DNAH8: variants seen among roughly 807,000 people sequenced by gnomAD.
DNAH8 encodes the protein dynein axonemal heavy chain 8, also known as axonemal beta dynein heavy chain 8.
Under a neutral mutation model 562.1 loss-of-function variants are expected in DNAH8, and 382 were observed. That is an observed-to-expected ratio of 0.68 (90% confidence interval 0.63 to 0.74). The LOEUF is 0.74. DNAH8 is among the 30% of genes least tolerant of loss of function. DNAH8 has a pLI of 0.00. For synonymous variants in DNAH8, 1,881 were observed against 1,919.4 expected (o/e 0.98, Z 0.52); for missense variants, 5,203 against 5,620.4 (o/e 0.93, Z 2.37).
At chr6:38,902,185 C>A (rs914618554) in intron 62 of DNAH8, among the ~76,000 whole-genome samples, 1 of 152,056 alleles carries the variant, frequency 6.6e-6, no homozygotes. Context: ...TTCTTGATAC[C>A]CTGGCATCTG....
At chr6:38,971,718 A>C in intron 83 of DNAH8, 53 bp downstream of exon 83, 5 of 1,349,336 alleles carry the variant, frequency 3.7e-6, no homozygotes, top group Non-Finnish European at 5.1e-6. Flanking sequence ...AAACCCCACA[A>C]TCATGGATGT....
Position 38,921,352 on chromosome 6 carries a change from C to T in DNAH8, c.10525-17C>T, listed in dbSNP as rs773364754. 2.5e-6 allele frequency: 4 copies of T among 1,610,432 alleles called. No individual in the cohort carries two copies. The highest frequency in any genetic ancestry group is 1.3e-5 in the African/African-American group (1 of 74,832). Reference sequence around the variant, plus strand: ...TTTCATGCAGCTAATACACTAACCACGTCTTCTTCTTTTCAGGCCAACCTG... The same window carrying T: ...TTTCATGCAGCTAATACACTAACCATGTCTTCTTCTTTTCAGGCCAACCTG... On this transcript the variant is annotated splice_polypyrimidine_tract_variant and intron_variant, in intron 70 of 92. Coordinates refer to ENST00000327475, the MANE Select transcript of DNAH8 (RefSeq NM_001206927.2).
rs144870469 is a variant in DNAH8 at position 38,822,979 on chromosome 6, A to G, written c.3665A>G (p.Gln1222Arg). The G allele has an allele frequency of 2.2e-5, 36 of 1,612,274 alleles. No homozygotes were observed. Among genetic ancestry groups the G allele is most frequent in the Non-Finnish European group, 2.9e-5 (34 of 1,179,488 alleles). ...SLRKAAHEAL[Q>R]DFQKYKTLWT... ...AGAAAGGCAGCTCATGAGGCCCTGC[A>G]GGACTTTCAGAAGTACAAGACTCTC... The change falls in exon 27 of 93, where the codon CAG (glutamine) becomes CGG (arginine). Residue 1222 changes from glutamine to arginine, a missense_variant. Physicochemically the swap from Gln to Arg is conservative, Grantham distance 43. This residue lies in a region of DNAH8 where 2,176 missense variants were observed against 2,365.1 expected (regional missense o/e 0.92). Coordinates refer to ENST00000327475, the MANE Select transcript of DNAH8 (RefSeq NM_001206927.2).
At chr6:38,735,101 C>A (rs1380386648) in intron 5 of DNAH8, among the ~76,000 whole-genome samples, 1 of 152,152 alleles carries the variant, frequency 6.6e-6, no homozygotes. Flanking sequence ...TAAATGTGTC[C>A]TCTGGAAAGT....
intron 39 of DNAH8, among the ~76,000 whole-genome samples, chr6:38,852,424 C>T (rs1243552912): frequency 6.6e-6 from 1 of 152,000 alleles, no homozygotes; most frequent in Non-Finnish European, 1.5e-5. Context: ...GGTCCAGTCC[C>T]CATCTGGTGG....
At chr6:38,914,688 C>G (rs925913012) in intron 67 of DNAH8, among the ~76,000 whole-genome samples, 4 of 151,958 alleles carry the variant, frequency 2.6e-5, no homozygotes, top group Admixed American at 2.6e-4. Context: ...GCCTTCTAGT[C>G]TCAGACTTTC....
At chr6:38,966,681 A>G (rs1022373820) in intron 82 of DNAH8, among the ~76,000 whole-genome samples, 6 of 152,254 alleles carry the variant, frequency 3.9e-5, no homozygotes, top group Non-Finnish European at 8.8e-5. Context: ...AAACATATGA[A>G]TATCAATCAA....
intron 84 of DNAH8, 138 bp from the exon 85 acceptor site, chr6:38,974,236 T>C: frequency 1.5e-6 from 1 of 676,238 alleles, no homozygotes; most frequent in South Asian, 2.3e-5. Context: ...TTAATGCTAA[T>C]ATTCCAAAAT....
chr6:38,780,077 GT>G lies in DNAH8; in HGVS notation c.2139+15del. 6.2e-7 allele frequency: 1 copy of G among 1,609,896 alleles called. No homozygotes were observed. Among genetic ancestry groups the G allele is most frequent in the Non-Finnish European group, 8.5e-7 (1 of 1,177,464 alleles). On this transcript the variant is annotated intron_variant, in intron 15 of 92. Transcript: ENST00000327475. The stretch of plus-strand genomic sequence containing the variant: ...ATGCTACTAAGAAGGCAAGTGTCAT[GT>G]TTATAAATAAAATGGTACATTAGCA...
At chr6:38,736,153 G>T (rs1174869397) in intron 5 of DNAH8, among the ~76,000 whole-genome samples, 2 of 151,922 alleles carry the variant, frequency 1.3e-5, no homozygotes, top group Non-Finnish European at 1.5e-5. Context: ...CATTTTCTGT[G>T]GACTTTTCTC....
intron 1 of DNAH8, among the ~76,000 whole-genome samples, chr6:38,717,588 T>A (rs933473352): frequency 4.0e-5 from 6 of 151,556 alleles, no homozygotes; most frequent in Non-Finnish European, 5.9e-5. Flanking sequence ...TTACAGTATA[T>A]GATATGCACA....
chr6:38,965,935 C>A (rs1236525627), intron 82 of DNAH8, among the ~76,000 whole-genome samples: 1 of 152,140 alleles, frequency 6.6e-6, no homozygotes, highest in East Asian at 1.9e-4. Context: ...TTAATAACAA[C>A]CTTCCACATT....
At chr6:38,888,187 T>C (rs1779093221) in intron 57 of DNAH8, among the ~76,000 whole-genome samples, 1 of 152,152 alleles carries the variant, frequency 6.6e-6, no homozygotes, top group South Asian at 2.1e-4. Context: ...TTAGTAATTC[T>C]TATAGGAAAA....
intron 21 of DNAH8, among the ~76,000 whole-genome samples, chr6:38,798,665 G>A (rs1362211953): frequency 6.6e-6 from 1 of 152,252 alleles, no homozygotes; most frequent in Non-Finnish European, 1.5e-5. Context: ...TGATGGCAGT[G>A]TGGGTCGTTG....
At chr6:39,022,220 T>C (rs1461737583) in intron 91 of DNAH8, among the ~76,000 whole-genome samples, 1 of 152,146 alleles carries the variant, frequency 6.6e-6, no homozygotes, top group Non-Finnish European at 1.5e-5. Context: ...CATTAAGTGT[T>C]TTTTTTTCTT....
intron 82 of DNAH8, among the ~76,000 whole-genome samples, chr6:38,953,722 C>T (rs1427653758): frequency 6.6e-6 from 1 of 152,118 alleles, no homozygotes; most frequent in African/African-American, 2.4e-5. Context: ...GGAACTATTA[C>T]ACATACCGAA....
chr6:38,860,756 G>A (rs977196144), intron 43 of DNAH8, 127 bp downstream of exon 43: 1 of 571,558 alleles, frequency 1.7e-6, no homozygotes, highest in Admixed American at 4.2e-5. Context: ...GCTCATTAAA[G>A]TCAGCCTAAC....
chr6:38,741,942 T>C, intron 8 of DNAH8, 55 bp downstream of exon 8: 12 of 1,478,296 alleles, frequency 8.1e-6, no homozygotes, highest in Non-Finnish European at 1.0e-5. Flanking sequence ...AACTAGAAAA[T>C]TATCCTATTG....
At position 38,987,745 on chromosome 6, in the gene DNAH8, A is replaced by G. The variant is rs533345175; in HGVS notation, c.13054-2267A>G. Among the ~76,000 whole-genome samples the G allele has an allele frequency of 5.9e-5, 9 of 152,138 alleles. 1 individual carries two copies. In the South Asian group the frequency reaches 1.9e-3, roughly 32 times the overall value. ...CCACCCCACTTCCTTATCCTACTGA[A>G]TCTTCTCTTTGCCCTACATCCTCTC... is the stretch of plus-strand genomic sequence containing the variant. On this transcript the variant is annotated intron_variant, in intron 87 of 92. Coordinates refer to ENST00000327475, the MANE Select transcript of DNAH8 (RefSeq NM_001206927.2).
Sources: allele counts gnomAD v4.1 joint callset (sites outside exome capture counted in the v4.1 genomes callset), GRCh38; gene constraint gnomAD v4.1.1; regional missense constraint gnomAD v4.1.1; transcripts MANE v1.5; gene names NCBI Gene and HGNC (gene_info 2026-07-23, HGNC 2026-07-21).